The following MECOM variants were observed in gnomAD, a reference collection of about 807,000 sequenced individuals.
MECOM encodes the protein histone-lysine N-methyltransferase MECOM.
A neutral mutation model predicts 116.3 loss-of-function variants in MECOM; 13 were observed. The observed-to-expected ratio is 0.11, with a 90% confidence interval of 0.07 to 0.18. MECOM has a LOEUF of 0.18. Among genes scored for constraint, MECOM ranks in the 10% least tolerant of loss-of-function variants. The pLI is 1.00. For missense variants in MECOM, 1,299 were observed against 1,509.0 expected (o/e 0.86, Z 2.31); for synonymous variants, 528 against 535.2 (o/e 0.99, Z 0.19).
chr3:169,404,691 C>G (rs552989834), intron 1 of MECOM, among the ~76,000 whole-genome samples: 44 of 152,260 alleles, frequency 2.9e-4, no homozygotes, highest in Admixed American at 2.8e-3. Context: ...GACCAGAGAG[C>G]GCCACGCAGA....
intron 7 of MECOM, among the ~76,000 whole-genome samples, chr3:169,117,193 TA>T (rs1729439627): frequency 6.6e-6 from 1 of 152,078 alleles, no homozygotes; most frequent in African/African-American, 2.4e-5. Context: ...CAAAACAAAA[TA>T]AAATATCCTC....
chr3:169,440,021 G>T (rs574706310), intron 1 of MECOM, among the ~76,000 whole-genome samples: 1 of 152,214 alleles, frequency 6.6e-6, no homozygotes, highest in Non-Finnish European at 1.5e-5. Context: ...TAAAGTAGAA[G>T]AATGATTAAA....
At chr3:169,647,823 G>A (rs184886187) in intron 1 of MECOM, among the ~76,000 whole-genome samples, 18 of 152,128 alleles carry the variant, frequency 1.2e-4, no homozygotes, top group African/African-American at 4.3e-4. Flanking sequence ...CCTCTCTTAC[G>A]CTTGAGGACA....
chr3:169,473,119 G>A (rs7613341), intron 1 of MECOM: 110,460 of 170,980 alleles, frequency 0.65, 36,940 homozygotes, highest in African/African-American at 0.82. Context: ...AGAATCAAAA[G>A]TAATCTTGGA....
intron 2 of MECOM, among the ~76,000 whole-genome samples, chr3:169,246,384 T>A (rs1755583080): frequency 6.6e-6 from 1 of 152,120 alleles, no homozygotes; most frequent in Non-Finnish European, 1.5e-5. Flanking sequence ...ACTAGGTACA[T>A]CCCAAACCAC....
At chr3:169,384,642 T>C (rs1000273210) in intron 1 of MECOM, among the ~76,000 whole-genome samples, 14 of 152,316 alleles carry the variant, frequency 9.2e-5, no homozygotes, top group African/African-American at 3.4e-4. Context: ...TGTAAAACAT[T>C]GTGTACTCTA....
chr3:169,640,275 C>A (rs911942194), intron 1 of MECOM, among the ~76,000 whole-genome samples: 4 of 152,130 alleles, frequency 2.6e-5, no homozygotes, highest in Admixed American at 6.5e-5. Context: ...TCAGGCCCAA[C>A]CTTACCATTT....
chr3:169,655,338 C>T (rs964566344), intron 1 of MECOM, among the ~76,000 whole-genome samples: 4 of 152,198 alleles, frequency 2.6e-5, no homozygotes, highest in African/African-American at 4.8e-5. Context: ...AATTTACAGG[C>T]TCTGCTCTAG....
intron 10 of MECOM, 140 bp from the exon 11 acceptor site, chr3:169,102,366 T>C: frequency 1.6e-6 from 1 of 609,936 alleles, no homozygotes; most frequent in Non-Finnish European, 2.6e-6. Flanking sequence ...ATCCCAATAT[T>C]AAATAAACAA....
intron 2 of MECOM, among the ~76,000 whole-genome samples, chr3:169,369,988 T>C (rs143464004): frequency 7.2e-5 from 11 of 152,120 alleles, no homozygotes; most frequent in African/African-American, 2.4e-4. Context: ...CACTTCTTAG[T>C]TATCTAGTGT....
At chr3:169,112,117 G>A (rs1168630130) in intron 9 of MECOM, among the ~76,000 whole-genome samples, 1 of 152,046 alleles carries the variant, frequency 6.6e-6, no homozygotes, top group Non-Finnish European at 1.5e-5. Flanking sequence ...TTTCCACATG[G>A]TGGAAAATAT....
chr3:169,373,948 A>AGACTGAATG (rs1419491821), intron 2 of MECOM, among the ~76,000 whole-genome samples: 2 of 151,964 alleles, frequency 1.3e-5, no homozygotes, highest in Non-Finnish European at 2.9e-5. Context: ...TCTGTGTTAT[A>AGACTGAATG]GACTGAATGT....
At chr3:169,482,263 C>T (rs1026658013) in intron 1 of MECOM, among the ~76,000 whole-genome samples, 10 of 151,884 alleles carry the variant, frequency 6.6e-5, no homozygotes, top group Admixed American at 5.9e-4. Flanking sequence ...CGTGTACTCG[C>T]CTGTGTCATT....
At chr3:169,541,618 G>T (rs16854045) in intron 1 of MECOM, among the ~76,000 whole-genome samples, 1 of 152,158 alleles carries the variant, frequency 6.6e-6, no homozygotes, top group Non-Finnish European at 1.5e-5. Flanking sequence ...GGCCCAGGAC[G>T]GCTCAGTGCC....
intron 10 of MECOM, among the ~76,000 whole-genome samples, chr3:169,102,499 T>C (rs769090252): frequency 2.0e-4 from 30 of 152,188 alleles, no homozygotes; most frequent in Admixed American, 7.9e-4. Context: ...TAATTGAACA[T>C]TGAAATACAT....
chr3:169,442,875 A>T (rs957571684), intron 1 of MECOM, among the ~76,000 whole-genome samples: 4 of 152,122 alleles, frequency 2.6e-5, no homozygotes, highest in African/African-American at 9.7e-5. Flanking sequence ...TAGTATCTTT[A>T]TGGCCCTAAT....
rs558147184 is a variant in MECOM, at chr3:169,562,893, C to T, written c.37+100443G>A. Among the ~76,000 whole-genome samples the T allele has an allele frequency of 6.6e-5, 10 of 152,104 alleles. No homozygotes were observed. In the South Asian group the frequency reaches 1.9e-3, roughly 28 times the overall value. On this transcript the variant is annotated intron_variant, in intron 1 of 16. Coordinates refer to ENST00000651503, the MANE Select transcript of MECOM (RefSeq NM_004991.4). ...CCTGGCCAACATAGTGAAACCCCAT[C>T]TCTACTAAAAATACAAAAAAATTAG... is the stretch of plus-strand genomic sequence containing the variant.
Position 169,216,577 on chromosome 3 carries a change from T to TA in MECOM, c.376-72746dup, listed in dbSNP as rs527868465. 2.1e-3 allele frequency among the ~76,000 whole-genome samples: 276 copies of TA among 133,810 alleles called. 1 individual carries two copies. Among genetic ancestry groups the TA allele is most frequent in the Middle Eastern group, 7.8e-3 (2 of 256 alleles). 87.8% of individuals were successfully genotyped at this position (133,810 alleles called of 152,430 possible). A position where few individuals can be genotyped will look rare whatever the true frequency, so the allele number is the denominator to read the frequency against. On this transcript the variant is annotated intron_variant, in intron 2 of 16. Coordinates refer to ENST00000651503, the MANE Select transcript of MECOM (RefSeq NM_004991.4). Reference sequence around the variant, plus strand: ...GCTAATTTACACAAACCTTCTCTAGTAAAAAAAAAAAAAAAGTACACTATA... The same window carrying TA: ...GCTAATTTACACAAACCTTCTCTAGTAAAAAAAAAAAAAAAAGTACACTATA...
At chr3:169,548,515 G>A (rs372413410) in intron 1 of MECOM, among the ~76,000 whole-genome samples, 6 of 152,340 alleles carry the variant, frequency 3.9e-5, no homozygotes, top group Non-Finnish European at 5.9e-5. Flanking sequence ...AAGTAAGAGG[G>A]AGCTAAAACC....
Sources: gnomAD v4.1 joint callset for allele counts (sites outside exome capture counted in the v4.1 genomes callset) on GRCh38, gnomAD v4.1.1 for gene constraint, MANE v1.5 for transcripts, NCBI Gene and HGNC (gene_info 2026-07-23, HGNC 2026-07-21) for gene names.